ZFPM2: variants seen among roughly 807,000 people sequenced by gnomAD.
The protein encoded by ZFPM2 is zinc finger protein ZFPM2.
In ZFPM2, 20 loss-of-function variants were observed where a neutral mutation model predicts 98.6. That is an observed-to-expected ratio of 0.20 (90% CI 0.14 to 0.29). The LOEUF (loss-of-function observed/expected upper bound fraction) is 0.29. Among genes scored for constraint, ZFPM2 ranks in the 10% least tolerant of loss-of-function variants. ZFPM2 has a pLI of 1.00. For synonymous variants in ZFPM2, 518 were observed against 502.7 expected (o/e 1.03, Z -0.41); for missense variants, 1,310 against 1,388.6 (o/e 0.94, Z 0.90).
intron 5 of ZFPM2, among the ~76,000 whole-genome samples, chr8:105,703,946 A>G (rs3779775): frequency 0.32 from 48,424 of 151,914 alleles, 8,207 homozygotes; most frequent in East Asian, 0.64. Context: ...GACTGTTGAC[A>G]GTTTCTAGGC....
At chr8:105,764,386 C>G (rs1812811886) in intron 5 of ZFPM2, among the ~76,000 whole-genome samples, 1 of 151,264 alleles carries the variant, frequency 6.6e-6, no homozygotes, top group Non-Finnish European at 1.5e-5. Flanking sequence ...GCAATGTTTG[C>G]TGAATACACT....
intron 5 of ZFPM2, among the ~76,000 whole-genome samples, chr8:105,706,682 C>T (rs954979445): frequency 1.3e-5 from 2 of 152,122 alleles, no homozygotes; most frequent in African/African-American, 4.8e-5. Flanking sequence ...CAGGTTCAAG[C>T]GATTCTCTTG....
In ZFPM2 at chr8:105,318,804, G is replaced by A. The variant is rs1811957800; in HGVS notation, c.-138G>A. ...CGGCTCCCGGAGGAGCCCAGCGCCC[G>A]GAGCACCTGGAGTCCGGCCGGCGGC... is the stretch of plus-strand genomic sequence containing the variant. On this transcript the variant is annotated 5_prime_UTR_variant, in exon 1 of 8. Coordinates refer to ENST00000407775, the MANE Select transcript of ZFPM2 (RefSeq NM_012082.4). The A allele has an allele frequency of 3.4e-6, 1 of 297,434 alleles. No homozygotes were observed. Among genetic ancestry groups the A allele is most frequent in the African/African-American group, 2.3e-5 (1 of 43,516 alleles). 18.4% of individuals were successfully genotyped at this position (297,434 alleles called of 1,614,324 possible).
At chr8:105,431,923 A>G (rs919338240) in intron 2 of ZFPM2, among the ~76,000 whole-genome samples, 6 of 151,658 alleles carry the variant, frequency 4.0e-5, no homozygotes, top group Admixed American at 2.6e-4. Flanking sequence ...CTGTGTCTCA[A>G]AAAAAAGAAA....
intron 3 of ZFPM2, among the ~76,000 whole-genome samples, chr8:105,476,543 G>A (rs924292500): frequency 6.6e-6 from 1 of 152,052 alleles, no homozygotes; most frequent in African/African-American, 2.4e-5. Flanking sequence ...CTGCTCTAGA[G>A]GCTGTCTTCT....
intron 5 of ZFPM2, among the ~76,000 whole-genome samples, chr8:105,635,387 A>G (rs953942682): frequency 1.3e-5 from 2 of 152,140 alleles, no homozygotes; most frequent in Non-Finnish European, 2.9e-5. Context: ...TTGTACACTT[A>G]TAAGAGGATT....
At chr8:105,525,241 C>T (rs905544517) in intron 3 of ZFPM2, among the ~76,000 whole-genome samples, 1 of 152,196 alleles carries the variant, frequency 6.6e-6, no homozygotes, top group Non-Finnish European at 1.5e-5. Context: ...TAGTCTTTGG[C>T]TCTTGTTCCG....
At chr8:105,466,269 T>G (rs1226011438) in intron 3 of ZFPM2, among the ~76,000 whole-genome samples, 2 of 152,040 alleles carry the variant, frequency 1.3e-5, no homozygotes, top group African/African-American at 2.4e-5. Flanking sequence ...TGTAAAACAT[T>G]TCAAAATCAT....
intron 5 of ZFPM2, among the ~76,000 whole-genome samples, chr8:105,710,445 C>T (rs1411982834): frequency 6.6e-6 from 1 of 151,972 alleles, no homozygotes; most frequent in African/African-American, 2.4e-5. Flanking sequence ...TATGAACATT[C>T]CTAATTTGTA....
chr8:105,433,717 G>A (rs1331132041), intron 2 of ZFPM2, among the ~76,000 whole-genome samples: 4 of 152,136 alleles, frequency 2.6e-5, no homozygotes, highest in Admixed American at 6.5e-5. Flanking sequence ...AACCCGGGAG[G>A]TGGAGCTTGC....
intron 4 of ZFPM2, among the ~76,000 whole-genome samples, chr8:105,626,835 C>G (rs547223532): frequency 6.6e-6 from 1 of 152,258 alleles, no homozygotes; most frequent in Non-Finnish European, 1.5e-5. Flanking sequence ...CAACATGAAA[C>G]TATATCTCAC....
intron 5 of ZFPM2, among the ~76,000 whole-genome samples, chr8:105,778,579 A>G (rs1488314630): frequency 1.3e-5 from 2 of 152,112 alleles, no homozygotes; most frequent in Admixed American, 1.3e-4. Flanking sequence ...GAATGTGCCT[A>G]CAAGAGATCA....
chr8:105,456,899 C>T (rs866406064), intron 3 of ZFPM2, among the ~76,000 whole-genome samples: 5 of 152,116 alleles, frequency 3.3e-5, no homozygotes, highest in East Asian at 1.9e-4. Context: ...GTGATCCACC[C>T]GCCTGGGCCT....
At chr8:105,338,842 GA>G (rs1358555534) in intron 1 of ZFPM2, among the ~76,000 whole-genome samples, 3 of 151,742 alleles carry the variant, frequency 2.0e-5, no homozygotes, top group Non-Finnish European at 4.4e-5. Context: ...ACTGTGGGTA[GA>G]AAAAAAGAAG....
At chr8:105,554,396 A>C (rs1814936882) in intron 3 of ZFPM2, among the ~76,000 whole-genome samples, 1 of 152,152 alleles carries the variant, frequency 6.6e-6, no homozygotes, top group Non-Finnish European at 1.5e-5. Flanking sequence ...GCTCTGCCAT[A>C]CTTCAGCCAC....
intron 5 of ZFPM2, among the ~76,000 whole-genome samples, chr8:105,664,589 C>A (rs1192567837): frequency 6.6e-6 from 1 of 152,172 alleles, no homozygotes; most frequent in South Asian, 2.1e-4. Context: ...CTGCCTTGGC[C>A]TCCCAAAGTG....
chr8:105,358,014 A>G (rs1221989478), intron 1 of ZFPM2, among the ~76,000 whole-genome samples: 2 of 152,260 alleles, frequency 1.3e-5, no homozygotes, highest in African/African-American at 2.4e-5. Context: ...GCTTTAGGTT[A>G]TAGGAGCAGA....
intron 3 of ZFPM2, among the ~76,000 whole-genome samples, chr8:105,452,473 C>T (rs1812503949): frequency 6.6e-6 from 1 of 151,624 alleles, no homozygotes; most frequent in Non-Finnish European, 1.5e-5. Flanking sequence ...ACTGTCCAGG[C>T]ATGGTGTCTC....
intron 3 of ZFPM2, among the ~76,000 whole-genome samples, chr8:105,512,118 C>G (rs1227760626): frequency 1.3e-5 from 2 of 152,320 alleles, no homozygotes; most frequent in Admixed American, 1.3e-4. Context: ...GCACTCCAAC[C>G]TGGGCCACAG....
Sources: allele counts gnomAD v4.1 joint callset (sites outside exome capture counted in the v4.1 genomes callset), GRCh38; gene constraint gnomAD v4.1.1; transcripts MANE v1.5; gene names NCBI Gene and HGNC (gene_info 2026-07-23, HGNC 2026-07-21).